OTC: variants seen among roughly 807,000 people sequenced by gnomAD.
OTC encodes the protein ornithine transcarbamylase.
In OTC, 3 loss-of-function variants were observed where a neutral mutation model predicts 30.3. That is an observed-to-expected ratio of 0.10 (90% CI 0.05 to 0.26). The LOEUF (loss-of-function observed/expected upper bound fraction) is 0.26. OTC is among the 10% of genes least tolerant of loss of function. OTC has a pLI of 1.00. For synonymous variants in OTC, 111 were observed against 99.7 expected (o/e 1.11, Z -0.67); for missense variants, 194 against 260.3 (o/e 0.75, Z 1.75).
In OTC at chrX:38,361,280, G is replaced by T. The variant is rs917426728; in HGVS notation, c.78-6011G>T. 2.8e-5 allele frequency among the ~76,000 whole-genome samples: 3 copies of T among 105,702 alleles called. No homozygotes were observed. In the Admixed American group the frequency reaches 3.1e-4, roughly 11 times the overall value. The allele number at this position is 105,702 out of a possible 115,157, so 91.8% of individuals were successfully genotyped here. ...AGATTGCGCCGCTGCGCTCCAGCCT[G>T]GGCGACAGAGCGAGACTCCGTTAAA... On this transcript the variant is annotated intron_variant, in intron 1 of 9. Transcript: ENST00000039007.
chrX:38,342,445 C>T, the OTC span, among the ~76,000 whole-genome samples: 1 of 111,500 alleles, frequency 9.0e-6, no homozygotes, highest in African/African-American at 3.3e-5. Flanking sequence ...CCTCTCACCA[C>T]ATGTGCCAAT....
At chrX:38,403,816 AG>A (rs1335141674) in intron 6 of OTC, 76 bp downstream of exon 6, 27 of 1,090,264 alleles carry the variant, frequency 2.5e-5, no homozygotes, top group Non-Finnish European at 3.2e-5. Context: ...TGACAAAAAA[AG>A]CTCTCTTCCA....
chrX:38,392,224 T>G (rs1469056553), intron 4 of OTC, among the ~76,000 whole-genome samples: 1 of 112,583 alleles, frequency 8.9e-6, no homozygotes, highest in Non-Finnish European at 1.9e-5. Flanking sequence ...GCAAAAGTCT[T>G]TTTGCTACCA....
At chrX:38,366,822 CCAAG>C (rs2068298689) in intron 1 of OTC, among the ~76,000 whole-genome samples, 1 of 111,142 alleles carries the variant, frequency 9.0e-6, no homozygotes, top group Non-Finnish European at 1.9e-5. Context: ...AAAATATAAA[CCAAG>C]GCCATATCAA....
At chrX:38,393,196 A>G (rs1393541134) in intron 4 of OTC, among the ~76,000 whole-genome samples, 1 of 112,287 alleles carries the variant, frequency 8.9e-6, no homozygotes, top group Non-Finnish European at 1.9e-5. Flanking sequence ...GAATCTACTC[A>G]ACCATTTACA....
intron 1 of OTC, among the ~76,000 whole-genome samples, chrX:38,363,941 C>T (rs2147321703): frequency 9.0e-6 from 1 of 110,609 alleles, no homozygotes; most frequent in South Asian, 3.9e-4. Flanking sequence ...GCCTGGCCAA[C>T]ATGGTGAAAC....
downstream of OTC, among the ~76,000 whole-genome samples, chrX:38,421,967 G>T (rs1188219075): frequency 9.0e-6 from 1 of 110,863 alleles, no homozygotes; most frequent in Admixed American, 9.7e-5. Context: ...TTACATTATT[G>T]AATTATTATA....
At chrX:38,331,563 C>T in the OTC span, among the ~76,000 whole-genome samples, 3 of 105,303 alleles carry the variant, frequency 2.8e-5, no homozygotes, top group Non-Finnish European at 5.8e-5. Context: ...GGATTATAGG[C>T]GTGAGCCACC....
intron 4 of OTC, among the ~76,000 whole-genome samples, chrX:38,398,838 G>A (rs968060608): frequency 2.7e-5 from 3 of 111,694 alleles, no homozygotes; most frequent in Non-Finnish European, 5.6e-5. Flanking sequence ...TAATCTATTA[G>A]TATTAGTTCT....
the OTC span, among the ~76,000 whole-genome samples, chrX:38,329,728 G>T: frequency 8.9e-6 from 1 of 111,800 alleles, no homozygotes; most frequent in Non-Finnish European, 1.9e-5. Flanking sequence ...TCAGATGTTT[G>T]AATAGGGTGT....
chrX:38,381,347 G>A lies in OTC; in HGVS notation c.304G>A (p.Ala102Thr). Reference sequence around the variant, plus strand: ...TTCTTTTTTTTTTATTGTAGGCTTTGCACTTCTGGGAGGACATCCTTGTTT... The same window carrying A: ...TTCTTTTTTTTTTATTGTAGGCTTTACACTTCTGGGAGGACATCCTTGTTT... ...RTRLSTETGF[A>T]LLGGHPCFLT... is the part of the protein sequence containing the mutation. Residue 102 changes from alanine (A) to threonine (T), a missense_variant, in exon 4 of 10, where the codon GCA (alanine) becomes ACA (threonine). Coordinates refer to ENST00000039007, the MANE Select transcript of OTC (RefSeq NM_000531.6). The A allele has an allele frequency of 8.6e-7, 1 of 1,168,947 alleles. No individual in the cohort carries two copies. Among genetic ancestry groups the A allele is most frequent in the Non-Finnish European group, 1.2e-6 (1 of 859,700 alleles).
intron 3 of OTC, among the ~76,000 whole-genome samples, chrX:38,377,993 T>C (rs1253538558): frequency 9.2e-6 from 1 of 108,918 alleles, no homozygotes; most frequent in Non-Finnish European, 1.9e-5. Flanking sequence ...CCCGCCACCA[T>C]GCCAGGCTAA....
At chrX:38,403,491 T>A in intron 5 of OTC, 127 bp from the exon 6 acceptor site, 1 of 682,683 alleles carries the variant, frequency 1.5e-6, no homozygotes, top group East Asian at 3.3e-5. Context: ...TGCAAAAAAA[T>A]TGGGAATTCA....
At chrX:38,332,902 CAA>C in the OTC span, among the ~76,000 whole-genome samples, 1 of 111,056 alleles carries the variant, frequency 9.0e-6, no homozygotes, top group African/African-American at 3.3e-5. Flanking sequence ...TGTAGCAGGG[CAA>C]GAGAGAGAGG....
At chrX:38,348,059 G>A (rs1489486036), upstream of OTC, among the ~76,000 whole-genome samples, 1 of 112,099 alleles carries the variant, frequency 8.9e-6, no homozygotes, top group Non-Finnish European at 1.9e-5. Context: ...CTCAGTAATA[G>A]GATAAATGTG....
chrX:38,405,307 C>T (rs1016804035), intron 6 of OTC, among the ~76,000 whole-genome samples: 5 of 111,815 alleles, frequency 4.5e-5, no homozygotes, highest in African/African-American at 1.3e-4. Flanking sequence ...TACAAATTTA[C>T]TCTTTCACAG....
At chrX:38,417,515 A>G (rs947833442) in intron 9 of OTC, among the ~76,000 whole-genome samples, 1 of 111,720 alleles carries the variant, frequency 9.0e-6, no homozygotes, top group African/African-American at 3.3e-5. Context: ...ATCACCACTC[A>G]GGAAACTTCC....
At chrX:38,403,849 G>C in intron 6 of OTC, 109 bp downstream of exon 6, 1 of 884,346 alleles carries the variant, frequency 1.1e-6, no homozygotes, top group Non-Finnish European at 1.7e-6. Flanking sequence ...CACAGGTGAG[G>C]CCACAGAATT....
chrX:38,411,735 T>G (rs1295176597), intron 8 of OTC, 127 bp from the exon 9 acceptor site: 1 of 629,130 alleles, frequency 1.6e-6, no homozygotes. Flanking sequence ...ACCATCACTC[T>G]GCTCCTTTGT....
Sources: allele counts gnomAD v4.1 joint callset (sites outside exome capture counted in the v4.1 genomes callset), GRCh38; gene constraint gnomAD v4.1.1; transcripts MANE v1.5; gene names NCBI Gene and HGNC (gene_info 2026-07-23, HGNC 2026-07-21).